MED30: variants seen among roughly 807,000 people sequenced by gnomAD.
The protein encoded by MED30 is mediator of RNA polymerase II transcription subunit 30.
In MED30, 8 loss-of-function variants were observed where a neutral mutation model predicts 21.7. That is an observed-to-expected ratio of 0.37 (90% CI 0.22 to 0.67). The LOEUF is 0.67. MED30 is among the 30% of genes least tolerant of loss of function. The probability of loss-of-function intolerance (pLI) is 0.58; values close to 1 mark genes in which losing one functional copy is unlikely to be tolerated. For missense variants in MED30, 203 were observed against 228.2 expected, an observed-to-expected ratio of 0.89 and a Z score of 0.71; for synonymous variants, 79 against 86.7, an observed-to-expected ratio of 0.91 and a Z score of 0.49.
In MED30 at chr8:117,520,827, C is replaced by A. The variant is rs10108031; in HGVS notation, c.-50C>A. 6.3e-3 allele frequency: 9,492 copies of A among 1,502,140 alleles called. 493 individuals are homozygous for A. The African/African-American group carries it at 0.11, about 17-fold the overall frequency. 93.1% of individuals were successfully genotyped at this position (1,502,140 alleles called of 1,614,324 possible). A position where few individuals can be genotyped will look rare whatever the true frequency, so the allele number is the denominator to read the frequency against. ...CACAGCCTCCCAATTCCGGGCAGAC[C>A]CCTGACACCTGCTGTCTGGCCCCTT... On this transcript the variant is annotated 5_prime_UTR_variant, in exon 1 of 4. Coordinates refer to ENST00000297347, the MANE Select transcript of MED30 (RefSeq NM_080651.4).
At chr8:117,528,500 A>T in intron 1 of MED30, 151 bp from the exon 2 acceptor site, 1 of 539,838 alleles carries the variant, frequency 1.9e-6, no homozygotes, top group Non-Finnish European at 3.1e-6. Context: ...CATTGCTCTT[A>T]AATTCTTAAA....
intron 1 of MED30, among the ~76,000 whole-genome samples, chr8:117,526,570 A>G (rs953166533): frequency 2.0e-5 from 3 of 152,032 alleles, no homozygotes; most frequent in Non-Finnish European, 4.4e-5. Context: ...GTTTTCATCC[A>G]TACTCATGAG....
At chr8:117,528,577 T>C in intron 1 of MED30, 74 bp from the exon 2 acceptor site, 2 of 1,361,614 alleles carry the variant, frequency 1.5e-6, no homozygotes, top group Non-Finnish European at 2.0e-6. Context: ...TTTCTGTTTG[T>C]TGGCTTTACT....
At position 117,529,703 on chromosome 8, in the gene MED30, G is replaced by A. The variant is rs117214325; in HGVS notation, c.336+894G>A. On this transcript the variant is annotated intron_variant, in intron 2 of 3. Transcript: ENST00000297347. Reference sequence around the variant, plus strand: ...AGTAGATGGAAGGAGAGATGGAATCGAAGGTTTGCAGGAGGAAGAGGAGCT... The same window carrying A: ...AGTAGATGGAAGGAGAGATGGAATCAAAGGTTTGCAGGAGGAAGAGGAGCT... 5.7e-3 allele frequency among the ~76,000 whole-genome samples: 873 copies of A among 152,046 alleles called. 4 individuals carry two copies. Among genetic ancestry groups the A allele is most frequent in the Non-Finnish European group, 0.01 (691 of 67,826 alleles).
chr8:117,523,642 A>G (rs1818669672), intron 1 of MED30: 3 of 1,598,148 alleles, frequency 1.9e-6, no homozygotes, highest in Admixed American at 3.3e-5. Context: ...AAGGTTGGAC[A>G]CATTCTTGTC....
chr8:117,525,903 A>C (rs1327588835), intron 1 of MED30, among the ~76,000 whole-genome samples: 1 of 152,062 alleles, frequency 6.6e-6, no homozygotes, highest in Non-Finnish European at 1.5e-5. Context: ...CATGTATTTT[A>C]GAATCAGCTT....
rs534389583 is a variant in MED30, at chr8:117,538,972, A to G, written c.442-911A>G. The stretch of plus-strand genomic sequence containing the variant: ...AAAGACTGATTGCATGAGGCATTGT[A>G]CTTTTATTATATTTTCTATATCGAC... On this transcript the variant is annotated intron_variant, in intron 3 of 3. Transcript: ENST00000297347. Among the ~76,000 whole-genome samples the G allele has an allele frequency of 1.7e-4, 26 of 152,320 alleles. No individual in the cohort carries two copies. In the South Asian group the frequency reaches 5.4e-3, roughly 32 times the overall value.
chr8:117,531,947 C>T (rs762488521), intron 3 of MED30, among the ~76,000 whole-genome samples: 35 of 151,734 alleles, frequency 2.3e-4, no homozygotes, highest in Non-Finnish European at 3.8e-4. Flanking sequence ...ATAAGAGTTC[C>T]GTAAAAGGGT....
intron 2 of MED30, among the ~76,000 whole-genome samples, chr8:117,529,572 A>G (rs1563789715): frequency 6.6e-6 from 1 of 152,004 alleles, no homozygotes. Context: ...TAGCAGCGTG[A>G]AGTCTGATCC....
intron 1 of MED30, among the ~76,000 whole-genome samples, chr8:117,525,512 A>C (rs1252944591): frequency 6.6e-6 from 1 of 151,848 alleles, no homozygotes; most frequent in Non-Finnish European, 1.5e-5. Flanking sequence ...AAGTAGTTGA[A>C]TGTATTAGTC....
In MED30 at chr8:117,533,414, T is replaced by A. The variant is rs545376400; in HGVS notation, c.441+2587T>A. ...TTCTTTCTCCCCATGAGGATTTAGC[T>A]CCCTACAGCCTCTCTCTCCTGGACC... On this transcript the variant is annotated intron_variant, in intron 3 of 3. Transcript: ENST00000297347. 3.2e-4 allele frequency among the ~76,000 whole-genome samples: 49 copies of A among 152,288 alleles called. No homozygotes were observed. In the South Asian group the frequency reaches 9.5e-3, roughly 30 times the overall value.
At position 117,521,021 on chromosome 8, in the gene MED30, A is replaced by T. The variant is rs1285475742; in HGVS notation, c.145A>T (p.Met49Leu). The T allele has an allele frequency of 6.3e-7, 1 of 1,596,328 alleles. No individual in the cohort carries two copies. Among genetic ancestry groups the T allele is most frequent in the Admixed American group, 1.7e-5 (1 of 58,694 alleles). ...ETVQDIVYRTMEIFQLLRNMQ... is the reference protein window; with the variant it reads ...ETVQDIVYRTLEIFQLLRNMQ... ...AGTGCAGGACATCGTGTACCGCACC[A>T]TGGAGATCTTCCAGCTCCTGAGGAA... The change falls in exon 1 of 4, where the codon ATG (methionine) becomes TTG (leucine). Residue 49 changes from methionine (M) to leucine (L), a missense_variant. Coordinates refer to ENST00000297347, the MANE Select transcript of MED30 (RefSeq NM_080651.4).
At chr8:117,523,763 C>T in intron 1 of MED30, 1 of 1,014,298 alleles carries the variant, frequency 9.9e-7, no homozygotes, top group South Asian at 1.5e-5. Flanking sequence ...AATCCCAGCA[C>T]TTTGAGAGGC....
intron 1 of MED30, chr8:117,523,481 G>T: frequency 6.3e-7 from 1 of 1,587,402 alleles, no homozygotes; most frequent in South Asian, 1.1e-5. Flanking sequence ...CTGCGGCGTA[G>T]GGTGGCAGGA....
At position 117,520,784 on chromosome 8, in the gene MED30, G is replaced by C. The variant is rs1047731937; in HGVS notation, c.-93G>C. ...GGGCCGCGGGGGGTCTCTCAAGCTG[G>C]TTCCAACGCTGAGGCCCCACAGCCT... On this transcript the variant is annotated 5_prime_UTR_variant, in exon 1 of 4. Coordinates refer to ENST00000297347, the MANE Select transcript of MED30 (RefSeq NM_080651.4). The C allele has an allele frequency of 2.6e-5, 35 of 1,323,956 alleles. No homozygotes were observed. The African/African-American group carries it at 5.3e-4, about 20-fold the overall frequency. The allele number at this position is 1,323,956 out of a possible 1,614,324, so 82.0% of individuals were successfully genotyped here. A position where few individuals can be genotyped will look rare whatever the true frequency, so the allele number is the denominator to read the frequency against.
At chr8:117,530,881 A>G (rs1818784247) in intron 3 of MED30, 54 bp downstream of exon 3, 1 of 1,265,242 alleles carries the variant, frequency 7.9e-7, no homozygotes, top group Non-Finnish European at 1.1e-6. Context: ...AAAAATTACT[A>G]GGGAGTCTGA....
chr8:117,523,377 T>G, intron 1 of MED30: 1 of 1,545,916 alleles, frequency 6.5e-7, no homozygotes, highest in East Asian at 2.2e-5. Flanking sequence ...CAGCACTCCG[T>G]CTGTAGGTAT....
chr8:117,530,730 T>C lies in MED30; in HGVS notation c.344T>C (p.Ile115Thr). ...GMDPIPVEQLIPYVEEDGSKN... is the reference protein window; with the variant it reads ...GMDPIPVEQLTPYVEEDGSKN... ...TTTGTTAATCATTCCCAGCAACTTA[T>C]TCCATATGTGGAAGAAGATGGCTCA... Residue 115 changes from isoleucine to threonine, a missense_variant, in exon 3 of 4, where the codon ATT (isoleucine) becomes ACT (threonine). Transcript: ENST00000297347. 3 of 1,610,336 alleles carry C rather than the reference T, an allele frequency of 1.9e-6. No homozygotes were observed. Among genetic ancestry groups the C allele is most frequent in the South Asian group, 1.1e-5 (1 of 90,350 alleles).
rs762568218 is a variant in MED30 at position 117,539,942 on chromosome 8, C to T, written c.501C>T (p.Ile167=). 1.4e-5 allele frequency: 22 copies of T among 1,608,734 alleles called. No individual in the cohort carries two copies. The highest frequency in any genetic ancestry group is 2.2e-5 in the East Asian group (1 of 44,628). Reference sequence around the variant, plus strand: ...TTATGGATCAATTACGAAATCTCATCTGGGATATAAATGCCATGTTGGCAA... The same window carrying T: ...TTATGGATCAATTACGAAATCTCATTTGGGATATAAATGCCATGTTGGCAA... ...KQIMDQLRNL[I]WDINAMLAMR... Residue 167 remains isoleucine, a synonymous_variant, in exon 4 of 4, where the codon ATC becomes ATT. Transcript: ENST00000297347.
Sources: allele counts gnomAD v4.1 joint callset (sites outside exome capture counted in the v4.1 genomes callset), GRCh38; gene constraint gnomAD v4.1.1; transcripts MANE v1.5; gene names NCBI Gene and HGNC (gene_info 2026-07-23, HGNC 2026-07-21).